Variants in TMEM62 observed in about 807,000 individuals in gnomAD.
The protein encoded by TMEM62 is transmembrane protein 62.
TMEM62 carries 41 observed loss-of-function variants against 70.4 expected under a neutral mutation model. The observed-to-expected ratio is 0.58, with a 90% confidence interval of 0.45 to 0.76. TMEM62 has a LOEUF of 0.76. TMEM62 is among the 30% of genes least tolerant of loss of function. TMEM62 has a pLI of 0.00. For synonymous variants in TMEM62, 268 were observed against 291.0 expected (o/e 0.92, Z 0.80); for missense variants, 688 against 788.5 (o/e 0.87, Z 1.53).
intron 11 of TMEM62, among the ~76,000 whole-genome samples, chr15:43,170,762 A>G (rs2040100993): frequency 2.0e-5 from 3 of 152,214 alleles, no homozygotes; most frequent in Admixed American, 2.0e-4. Context: ...CTTAAATATA[A>G]TCAGACATAG....
rs2034787546 is a variant in TMEM62 at position 43,133,976 on chromosome 15, C to A, written c.174C>A (p.Gly58=). Residue 58 remains glycine, a synonymous_variant, in exon 1 of 14, where the codon GGC becomes GGA. Coordinates refer to ENST00000260403, the MANE Select transcript of TMEM62 (RefSeq NM_024956.4). ...CCGGAGACAGCAACATCTTCTGGGG[C>A]CTGCAGGTGACGCGGCGGGAAGCCG... The part of the protein sequence containing the change: ...PGPGDSNIFW[G]LQISDIHLSR... 6.9e-7 allele frequency: 1 copy of A among 1,446,494 alleles called. No individual in the cohort carries two copies. The highest frequency in any genetic ancestry group is 9.0e-7 in the Non-Finnish European group (1 of 1,105,938). 89.6% of individuals were successfully genotyped at this position (1,446,494 alleles called of 1,614,324 possible).
At chr15:43,173,126 G>A (rs543058527) in intron 11 of TMEM62, among the ~76,000 whole-genome samples, 1 of 152,338 alleles carries the variant, frequency 6.6e-6, no homozygotes, top group South Asian at 2.1e-4. Context: ...TACTCAGGAG[G>A]CTGAGGTTGC....
Position 43,154,728 on chromosome 15 carries a change from T to C in TMEM62, c.1079T>C (p.Val360Ala). 3 of 1,613,796 alleles carry C rather than the reference T, an allele frequency of 1.9e-6. No homozygotes were observed. Among genetic ancestry groups the C allele is most frequent in the Non-Finnish European group, 2.5e-6 (3 of 1,179,912 alleles). ...TCTGTCACAGTTAAGATTGATGGAGTTCATTTAGGCCAGGCTGTTCATGTG... is the reference window on the plus strand; with the variant it reads ...TCTGTCACAGTTAAGATTGATGGAGCTCATTTAGGCCAGGCTGTTCATGTG... ...ITSVTVKIDG[V>A]HLGQAVHVSG... The change falls in exon 9 of 14, where the codon GTT becomes GCT. Residue 360 changes from valine (V) to alanine (A), a missense_variant. By Grantham distance (64) the Val-to-Ala change is moderately conservative. Coordinates refer to ENST00000260403, the MANE Select transcript of TMEM62 (RefSeq NM_024956.4).
rs775055730 is a variant in TMEM62, at chr15:43,178,595, T to C, written c.1382-12T>C. On this transcript the variant is annotated splice_polypyrimidine_tract_variant and intron_variant, in intron 11 of 13. Coordinates refer to ENST00000260403, the MANE Select transcript of TMEM62 (RefSeq NM_024956.4). ...ATGTGTTCACTGGGTTTTTCAACTT[T>C]ATGTTTTTTAGAACCTTCAGGGTTT... 1 of 1,569,262 alleles carries C rather than the reference T, an allele frequency of 6.4e-7. No homozygotes were observed. The highest frequency in any genetic ancestry group is 1.1e-5 in the South Asian group (1 of 88,310).
intron 10 of TMEM62, among the ~76,000 whole-genome samples, chr15:43,162,692 A>T (rs2038896013): frequency 6.6e-6 from 1 of 152,084 alleles, no homozygotes; most frequent in African/African-American, 2.4e-5. Flanking sequence ...TCAGCCTCCC[A>T]AAGTGTTGGG....
At chr15:43,149,903 C>A (rs2037161697) in intron 7 of TMEM62, among the ~76,000 whole-genome samples, 2 of 152,260 alleles carry the variant, frequency 1.3e-5, no homozygotes, top group South Asian at 4.2e-4. Flanking sequence ...AGGTTAAAGT[C>A]TCTCTAAGAG....
chr15:43,180,203 G>C (rs1164121245), intron 12 of TMEM62, among the ~76,000 whole-genome samples: 3 of 151,926 alleles, frequency 2.0e-5, no homozygotes, highest in African/African-American at 7.3e-5. Flanking sequence ...GCTCACTGCA[G>C]CCTCTGCCTC....
chr15:43,180,419 G>A (rs1037134398), intron 12 of TMEM62, among the ~76,000 whole-genome samples: 10 of 152,138 alleles, frequency 6.6e-5, no homozygotes, highest in African/African-American at 2.4e-4. Flanking sequence ...CACCCTGCCT[G>A]GCCTAGTATT....
chr15:43,144,758 T>A (rs1373821872), intron 4 of TMEM62, among the ~76,000 whole-genome samples: 2 of 152,196 alleles, frequency 1.3e-5, no homozygotes, highest in African/African-American at 2.4e-5. Flanking sequence ...ATCTTTCACT[T>A]CCTGTTAACT....
At chr15:43,167,856 C>A (rs1286572475) in intron 10 of TMEM62, among the ~76,000 whole-genome samples, 5 of 152,208 alleles carry the variant, frequency 3.3e-5, no homozygotes, top group Non-Finnish European at 7.3e-5. Context: ...GTGAACGAGA[C>A]TCCGTCTGCA....
intron 10 of TMEM62, among the ~76,000 whole-genome samples, chr15:43,162,769 TTTAAG>T (rs1170004558): frequency 1.9e-4 from 29 of 152,068 alleles, no homozygotes; most frequent in Non-Finnish European, 5.9e-5. Flanking sequence ...TTGTTGGACA[TTTAAG>T]TTGTTTCTAA....
chr15:43,154,946 G>A (rs949389577), intron 9 of TMEM62, 115 bp downstream of exon 9: 7 of 957,552 alleles, frequency 7.3e-6, no homozygotes, highest in Non-Finnish European at 1.0e-5. Flanking sequence ...AAAAACTGGG[G>A]GCCGGGCATG....
At chr15:43,146,268 G>T (rs558781293) in intron 4 of TMEM62, 1 of 416,216 alleles carries the variant, frequency 2.4e-6, no homozygotes, top group Non-Finnish European at 4.3e-6. Context: ...TGAACTTGGT[G>T]AACTTGTATT....
At position 43,184,892 on chromosome 15, in the gene TMEM62, C is replaced by T. The variant is rs1347205870; in HGVS notation, c.*306C>T. On this transcript the variant is annotated 3_prime_UTR_variant, in exon 14 of 14. Coordinates refer to ENST00000260403, the MANE Select transcript of TMEM62 (RefSeq NM_024956.4). ...ACAGGGTAGAGGTTGGGTGTGTGTA[C>T]GGGAGTGTCTGAGGCCCAGTGTGTT... 1.7e-5 allele frequency: 7 copies of T among 403,876 alleles called. No individual in the cohort carries two copies. The highest frequency in any genetic ancestry group is 1.4e-4 in the East Asian group (3 of 22,074). 25.0% of individuals were successfully genotyped at this position (403,876 alleles called of 1,614,324 possible).
At chr15:43,173,889 G>A (rs983039820) in intron 11 of TMEM62, among the ~76,000 whole-genome samples, 8 of 118,754 alleles carry the variant, frequency 6.7e-5, no homozygotes, top group Admixed American at 6.6e-4. Flanking sequence ...AGACAGTCTC[G>A]CTGTGAACCC....
intron 11 of TMEM62, among the ~76,000 whole-genome samples, chr15:43,175,572 C>G (rs1173018068): frequency 6.6e-6 from 1 of 152,122 alleles, no homozygotes; most frequent in Non-Finnish European, 1.5e-5. Flanking sequence ...CTGAGTCAAG[C>G]CCTTACACTT....
intron 10 of TMEM62, among the ~76,000 whole-genome samples, chr15:43,168,315 C>T (rs1195905163): frequency 6.6e-6 from 1 of 152,096 alleles, no homozygotes; most frequent in African/African-American, 2.4e-5. Flanking sequence ...CAGTTTGTAC[C>T]GTTCTGGGTC....
intron 3 of TMEM62, among the ~76,000 whole-genome samples, 154 bp from the exon 4 acceptor site, chr15:43,138,420 G>A (rs1596192308): frequency 6.6e-6 from 1 of 152,114 alleles, no homozygotes; most frequent in South Asian, 2.1e-4. Flanking sequence ...TCCTCCCACT[G>A]TTTGCTGAAT....
intron 4 of TMEM62, among the ~76,000 whole-genome samples, chr15:43,142,254 C>G (rs1223463138): frequency 6.7e-6 from 1 of 150,310 alleles, no homozygotes. Context: ...CAACCTCCGC[C>G]TCCCGGGTTC....
Sources: allele counts gnomAD v4.1 joint callset (sites outside exome capture counted in the v4.1 genomes callset), GRCh38; gene constraint gnomAD v4.1.1; transcripts MANE v1.5; gene names NCBI Gene and HGNC (gene_info 2026-07-23, HGNC 2026-07-21).